Variants in GREB1L observed in about 807,000 individuals in gnomAD.
GREB1L encodes GREB1-like protein.
A neutral mutation model predicts 200.8 loss-of-function variants in GREB1L; 17 were observed. The ratio of observed to expected loss-of-function variants is 0.08; its 90% CI spans 0.06 to 0.13. GREB1L has a LOEUF of 0.13. Among genes scored for constraint, GREB1L ranks in the 10% least tolerant of loss-of-function variants. The probability of loss-of-function intolerance (pLI) is 1.00; values close to 1 mark genes in which losing one functional copy is unlikely to be tolerated. For missense variants in GREB1L, 1,657 were observed against 2,367.7 expected, an observed-to-expected ratio of 0.70 and a Z score of 6.23; for synonymous variants, 789 against 893.0, an observed-to-expected ratio of 0.88 and a Z score of 2.08.
intron 1 of GREB1L, among the ~76,000 whole-genome samples, chr18:21,298,537 T>C (rs2038566432): frequency 6.6e-6 from 1 of 152,242 alleles, no homozygotes; most frequent in African/African-American, 2.4e-5. Flanking sequence ...GTACAAATAA[T>C]GATGATTTTC....
Position 21,500,417 on chromosome 18 carries a change from A to G in GREB1L, c.3969+111A>G. 3 of 839,234 alleles carry G rather than the reference A, an allele frequency of 3.6e-6. No individual in the cohort carries two copies. The Admixed American group carries it at 6.7e-5, about 19-fold the overall frequency. The allele number at this position is 839,234 out of a possible 1,614,324, so 52.0% of individuals were successfully genotyped here. A position where few individuals can be genotyped will look rare whatever the true frequency, so the allele number is the denominator to read the frequency against. On this transcript the variant is annotated intron_variant, in intron 22 of 32. Transcript: ENST00000424526. ...GTGGAGCAGGTGTGACAGAGCAGTG[A>G]GGACCTCATTCAGGCCTCTCAGGCA...
chr18:21,502,078 C>T (rs1331314294), intron 23 of GREB1L, among the ~76,000 whole-genome samples: 1 of 152,102 alleles, frequency 6.6e-6, no homozygotes, highest in Non-Finnish European at 1.5e-5. Flanking sequence ...ATGGTGAAAC[C>T]CTGTCTCTAC....
intron 1 of GREB1L, among the ~76,000 whole-genome samples, chr18:21,291,790 G>T (rs149887160): frequency 1.3e-5 from 2 of 152,150 alleles, no homozygotes; most frequent in African/African-American, 4.8e-5. Context: ...GGTGGCTCAC[G>T]CGTGGAACCA....
chr18:21,333,776 G>A (rs2039143354), intron 1 of GREB1L, among the ~76,000 whole-genome samples: 1 of 151,842 alleles, frequency 6.6e-6, no homozygotes, highest in African/African-American at 2.4e-5. Context: ...GAGGCCAGGA[G>A]TTCAAAAGCA....
chr18:21,399,581 G>T (rs1330996004), intron 5 of GREB1L, among the ~76,000 whole-genome samples: 2 of 152,038 alleles, frequency 1.3e-5, no homozygotes, highest in African/African-American at 4.8e-5. Context: ...GCGGGGAGGG[G>T]CTACTGCTTT....
At chr18:21,444,015 C>CTT (rs1296039591) in intron 10 of GREB1L, among the ~76,000 whole-genome samples, 1 of 152,226 alleles carries the variant, frequency 6.6e-6, no homozygotes, top group Non-Finnish European at 1.5e-5. Context: ...ACTGTATTTT[C>CTT]TTTCCTGTTC....
At chr18:21,441,233 C>CTT (rs1203247842) in intron 9 of GREB1L, among the ~76,000 whole-genome samples, 167 bp from the exon 10 acceptor site, 1 of 152,008 alleles carries the variant, frequency 6.6e-6, no homozygotes, top group East Asian at 1.9e-4. Flanking sequence ...TTTTTTTCTC[C>CTT]TTTTGTTTTT....
chr18:21,443,454 G>T (rs543893989), intron 10 of GREB1L, among the ~76,000 whole-genome samples: 4 of 152,102 alleles, frequency 2.6e-5, no homozygotes, highest in Non-Finnish European at 5.9e-5. Flanking sequence ...TGATCCACCC[G>T]CCTGGGCCTC....
At chr18:21,329,232 C>T (rs952773514) in intron 1 of GREB1L, among the ~76,000 whole-genome samples, 4 of 148,178 alleles carry the variant, frequency 2.7e-5, no homozygotes, top group Non-Finnish European at 3.0e-5. Context: ...GGCTGAGGCA[C>T]GAGAATGGCT....
In GREB1L at chr18:21,339,345, CAG is replaced by C. The variant is rs796633622; in HGVS notation, c.-119-26680_-119-26679del. Reference sequence around the variant, plus strand: ...CAGTTTTAGGCTGTCAGTCTGACCTCAGATATTTCTAATCAGGAATTTTCACA... The same window carrying C: ...CAGTTTTAGGCTGTCAGTCTGACCTCATATTTCTAATCAGGAATTTTCACA... On this transcript the variant is annotated intron_variant, in intron 1 of 32. Transcript: ENST00000424526. Among the ~76,000 whole-genome samples, 41 of 152,272 alleles carry C rather than the reference CAG, an allele frequency of 2.7e-4. 1 individual carries two copies. The highest frequency in any genetic ancestry group is 9.9e-4 in the African/African-American group (41 of 41,540).
In GREB1L at chr18:21,526,086, A is replaced by G. The variant is rs947785242; in HGVS notation, c.*3265A>G. 1.3e-5 allele frequency among the ~76,000 whole-genome samples: 2 copies of G among 152,156 alleles called. No homozygotes were observed. The highest frequency in any genetic ancestry group is 4.8e-5 in the African/African-American group (2 of 41,404). Reference sequence around the variant, plus strand: ...ACTACTTAGGCCTGAAACAACATCCAGAGAACGAACATTTATCAAGCTTCT... The same window carrying G: ...ACTACTTAGGCCTGAAACAACATCCGGAGAACGAACATTTATCAAGCTTCT... On this transcript the variant is annotated 3_prime_UTR_variant, in exon 33 of 33. Transcript: ENST00000424526.
chr18:21,525,944 A>ATGAC lies in GREB1L; in HGVS notation c.*3124_*3127dup, dbSNP rs767143590. Among the ~76,000 whole-genome samples, 13 of 152,224 alleles carry ATGAC rather than the reference A, an allele frequency of 8.5e-5. No individual in the cohort carries two copies. The highest frequency in any genetic ancestry group is 2.7e-4 in the African/African-American group (11 of 41,464). On this transcript the variant is annotated 3_prime_UTR_variant, in exon 33 of 33. Transcript: ENST00000424526. Reference sequence around the variant, plus strand: ...AGGGCAATAAATATTTGTAAGTGTAATGACAGACTTTCAGAGGAAAGTAAA... The same window carrying ATGAC: ...AGGGCAATAAATATTTGTAAGTGTAATGACTGACAGACTTTCAGAGGAAAGTAAA...
intron 5 of GREB1L, among the ~76,000 whole-genome samples, chr18:21,400,085 C>CT (rs1036427130): frequency 5.3e-5 from 8 of 151,100 alleles, no homozygotes; most frequent in Middle Eastern, 3.4e-3. Context: ...CTTATTACAA[C>CT]TTTTTTTTTC....
chr18:21,322,929 T>TC (rs888729930), intron 1 of GREB1L, among the ~76,000 whole-genome samples: 2 of 152,180 alleles, frequency 1.3e-5, no homozygotes, highest in Non-Finnish European at 2.9e-5. Context: ...ATTTTTTTTT[T>TC]CTTAATCTTA....
At chr18:21,452,917 T>C (rs1228860932) in intron 14 of GREB1L, among the ~76,000 whole-genome samples, 1 of 152,230 alleles carries the variant, frequency 6.6e-6, no homozygotes, top group Non-Finnish European at 1.5e-5. Flanking sequence ...GTATCATTTA[T>C]ATATTAGGAT....
intron 1 of GREB1L, among the ~76,000 whole-genome samples, chr18:21,328,480 A>C (rs1013084869): frequency 6.6e-6 from 1 of 152,190 alleles, no homozygotes; most frequent in Non-Finnish European, 1.5e-5. Context: ...CAGTAGTTCA[A>C]ATGGAGTCCT....
chr18:21,259,208 A>AT (rs1246203994), intron 1 of GREB1L, among the ~76,000 whole-genome samples: 1 of 152,230 alleles, frequency 6.6e-6, no homozygotes, highest in Non-Finnish European at 1.5e-5. Flanking sequence ...ATTTGAAGTA[A>AT]TAATTGGCAG....
chr18:21,413,199 C>T (rs921429446), intron 7 of GREB1L, among the ~76,000 whole-genome samples: 1 of 152,166 alleles, frequency 6.6e-6, no homozygotes, highest in African/African-American at 2.4e-5. Context: ...ATTTTGTGAT[C>T]TGCCACCCCC....
chr18:21,396,008 G>A (rs979190523), intron 5 of GREB1L, among the ~76,000 whole-genome samples: 4 of 150,780 alleles, frequency 2.7e-5, no homozygotes, highest in Admixed American at 6.6e-5. Flanking sequence ...GATTACAGGC[G>A]GTAACTTCTT....
Sources: allele counts gnomAD v4.1 joint callset (sites outside exome capture counted in the v4.1 genomes callset), GRCh38; gene constraint gnomAD v4.1.1; transcripts MANE v1.5; gene names NCBI Gene and HGNC (gene_info 2026-07-23, HGNC 2026-07-21).